ADGRD1: variants seen among roughly 807,000 people sequenced by gnomAD.
ADGRD1 encodes the protein G-protein coupled receptor 133.
ADGRD1 carries 77 observed loss-of-function variants against 113.4 expected under a neutral mutation model. That is an observed-to-expected ratio of 0.68 (90% CI 0.57 to 0.82). The LOEUF (loss-of-function observed/expected upper bound fraction) is 0.82. ADGRD1 is among the 40% of genes least tolerant of loss of function. The pLI is 0.00. For synonymous variants in ADGRD1, 474 were observed against 475.0 expected, an observed-to-expected ratio of 1.00 and a Z score of 0.03; for missense variants, 1,036 against 1,139.1, an observed-to-expected ratio of 0.91 and a Z score of 1.30.
At chr12:131,129,000 C>T (rs1313078436) in intron 20 of ADGRD1, among the ~76,000 whole-genome samples, 1 of 107,654 alleles carries the variant, frequency 9.3e-6, no homozygotes, top group African/African-American at 3.8e-5. Context: ...CAGCCCCGCC[C>T]TGCTGTCTGG....
At chr12:131,000,021 G>T (rs1459032548) in intron 8 of ADGRD1, among the ~76,000 whole-genome samples, 1 of 152,116 alleles carries the variant, frequency 6.6e-6, no homozygotes, top group African/African-American at 2.4e-5. Flanking sequence ...CAAGAAAAGC[G>T]CATCCAGCAG....
At chr12:131,068,289 G>A (rs958021729) in intron 13 of ADGRD1, among the ~76,000 whole-genome samples, 3 of 152,200 alleles carry the variant, frequency 2.0e-5, no homozygotes, top group Admixed American at 6.5e-5. Flanking sequence ...TGTGTCTCAT[G>A]GGTGGCGCTG....
chr12:131,120,238 G>T (rs1324307138), intron 19 of ADGRD1, among the ~76,000 whole-genome samples: 1 of 152,166 alleles, frequency 6.6e-6, no homozygotes, highest in African/African-American at 2.4e-5. Context: ...AGGTCCTAGG[G>T]ACTCTTCGGC....
rs181802616 is a variant in ADGRD1 at position 131,057,026 on chromosome 12, G to A, written c.1474-19775G>A. Among the ~76,000 whole-genome samples the A allele has an allele frequency of 6.6e-6, 1 of 152,176 alleles. No homozygotes were observed. Among genetic ancestry groups the A allele is most frequent in the Non-Finnish European group, 1.5e-5 (1 of 68,032 alleles). On this transcript the variant is annotated intron_variant, in intron 13 of 24. Coordinates refer to ENST00000261654, the MANE Select transcript of ADGRD1 (RefSeq NM_198827.5). The surrounding 1 kb of genome is among the most constrained non-coding windows in gnomAD (Gnocchi z 4.2). ...ATGAGATTTAGGATGCTGGGAAGGAGGGGGAGGATAATTACTAATTATGGT... is the reference window on the plus strand; with the variant it reads ...ATGAGATTTAGGATGCTGGGAAGGAAGGGGAGGATAATTACTAATTATGGT...
chr12:131,045,766 T>G (rs1882635537), intron 13 of ADGRD1, among the ~76,000 whole-genome samples: 1 of 152,094 alleles, frequency 6.6e-6, no homozygotes, highest in South Asian at 2.1e-4. Context: ...GCACCACAGC[T>G]GCCGGCACCA....
chr12:131,123,689 G>T (rs560172047), intron 20 of ADGRD1, among the ~76,000 whole-genome samples: 1 of 152,076 alleles, frequency 6.6e-6, no homozygotes, highest in African/African-American at 2.4e-5. Context: ...GGGCGTGGTG[G>T]CGGGTGCCTG....
At chr12:131,077,462 G>A (rs1885716135) in intron 14 of ADGRD1, among the ~76,000 whole-genome samples, 1 of 152,168 alleles carries the variant, frequency 6.6e-6, no homozygotes, top group Non-Finnish European at 1.5e-5. Context: ...CCCTGCCCCA[G>A]CTCGCCTCCA....
At chr12:131,016,149 A>C (rs1051155174) in intron 13 of ADGRD1, among the ~76,000 whole-genome samples, 1 of 152,212 alleles carries the variant, frequency 6.6e-6, no homozygotes, top group African/African-American at 2.4e-5. Flanking sequence ...GCCTGCACAG[A>C]AGGGAACCTC....
intron 20 of ADGRD1, among the ~76,000 whole-genome samples, chr12:131,121,175 C>G (rs910846697): frequency 6.6e-6 from 1 of 152,242 alleles, no homozygotes; most frequent in Non-Finnish European, 1.5e-5. Context: ...TGCAGGCACA[C>G]AGCCCTGAGA....
rs559574817 is a variant in ADGRD1 at position 131,003,980 on chromosome 12, C to T, written c.1145-206C>T. On this transcript the variant is annotated intron_variant, in intron 10 of 24. Coordinates refer to ENST00000261654, the MANE Select transcript of ADGRD1 (RefSeq NM_198827.5). This position sits in a 1 kb window ranked among gnomAD's most constrained non-coding sequence, Gnocchi z 4.8. ...CGCGCCCGTGGGCCGGAATGCTGAG[C>T]CTCCCCGTGGCAGTCACTGCCTGGG... 6.6e-6 allele frequency among the ~76,000 whole-genome samples: 1 copy of T among 151,136 alleles called. No homozygotes were observed. Among genetic ancestry groups the T allele is most frequent in the Non-Finnish European group, 1.5e-5 (1 of 67,858 alleles).
intron 14 of ADGRD1, among the ~76,000 whole-genome samples, chr12:131,078,247 GT>G (rs1375037979): frequency 5.9e-5 from 9 of 152,224 alleles, no homozygotes; most frequent in African/African-American, 2.2e-4. Context: ...CTTTATCTCT[GT>G]TCTGTGAACA....
chr12:131,125,822 C>A (rs536060598), intron 20 of ADGRD1, among the ~76,000 whole-genome samples: 3 of 152,350 alleles, frequency 2.0e-5, no homozygotes, highest in East Asian at 3.9e-4. Context: ...AGAACTCTTA[C>A]ATTAGCCTAG....
At chr12:131,072,969 G>A (rs577188334) in intron 13 of ADGRD1, among the ~76,000 whole-genome samples, 1 of 152,352 alleles carries the variant, frequency 6.6e-6, no homozygotes, top group East Asian at 1.9e-4. Flanking sequence ...GATGGCACTA[G>A]TGGGGTGAAG....
rs752017707 is a variant in ADGRD1, at chr12:131,104,827, G to A, written c.1672-4G>A. ...TGCTGACGCCTCTGCTCTGCTCCCC[G>A]CAGCTTGCACGCGGACACCAGGTGG... On this transcript the variant is annotated splice_polypyrimidine_tract_variant and splice_region_variant and intron_variant, in intron 15 of 24. Coordinates refer to ENST00000261654, the MANE Select transcript of ADGRD1 (RefSeq NM_198827.5). 11 of 1,544,904 alleles carry A rather than the reference G, an allele frequency of 7.1e-6. No homozygotes were observed. Among genetic ancestry groups the A allele is most frequent in the African/African-American group, 2.7e-5 (2 of 73,004 alleles).
chr12:131,086,324 T>C (rs898335060), intron 15 of ADGRD1, among the ~76,000 whole-genome samples: 1 of 152,182 alleles, frequency 6.6e-6, no homozygotes, highest in Non-Finnish European at 1.5e-5. Flanking sequence ...TAGCTTCGCC[T>C]TCTCCCATCC....
chr12:131,042,258 C>T (rs1199260352), intron 13 of ADGRD1, among the ~76,000 whole-genome samples: 1 of 152,162 alleles, frequency 6.6e-6, no homozygotes, highest in Non-Finnish European at 1.5e-5. Context: ...TCCATGGGGC[C>T]ACATCCTGGA....
intron 8 of ADGRD1, among the ~76,000 whole-genome samples, chr12:130,999,672 G>A (rs562208607): frequency 1.3e-5 from 2 of 152,146 alleles, no homozygotes; most frequent in African/African-American, 4.8e-5. Flanking sequence ...GGACATGAGC[G>A]TATGAGGCAG....
intron 15 of ADGRD1, among the ~76,000 whole-genome samples, chr12:131,101,377 C>CTTTTTTTTTTTTTTTTTTT (rs71095334): frequency 2.5e-4 from 9 of 36,148 alleles, no homozygotes; most frequent in African/African-American, 5.5e-4. Flanking sequence ...TTCTTTCTTT[C>CTTTTTTTTTTTTTTTTTTT]TTTTTTTTTT....
chr12:131,125,584 A>C (rs757500992), intron 20 of ADGRD1, among the ~76,000 whole-genome samples: 3 of 152,270 alleles, frequency 2.0e-5, no homozygotes, highest in Non-Finnish European at 4.4e-5. Flanking sequence ...ATATAGGCAG[A>C]TACATGGATA....
Sources: gnomAD v4.1 joint callset for allele counts (sites outside exome capture counted in the v4.1 genomes callset) on GRCh38, gnomAD v4.1.1 for gene constraint, Gnocchi (gnomAD v3.1) non-coding constraint, MANE v1.5 for transcripts, NCBI Gene and HGNC (gene_info 2026-07-23, HGNC 2026-07-21) for gene names.